The following LDB2 variants were observed in gnomAD, a reference collection of about 807,000 sequenced individuals.
The protein encoded by LDB2 is LIM domain-binding protein 2.
In LDB2, 12 loss-of-function variants were observed where a neutral mutation model predicts 44.3. That is an observed-to-expected ratio of 0.27 (90% CI 0.17 to 0.44). LDB2 has a LOEUF of 0.44. LDB2 is among the 20% of genes least tolerant of loss of function. LDB2 has a pLI of 1.00. For synonymous variants in LDB2, 164 were observed against 174.8 expected, an observed-to-expected ratio of 0.94 and a Z score of 0.49; for missense variants, 344 against 473.5, an observed-to-expected ratio of 0.73 and a Z score of 2.54.
chr4:16,745,160 G>A (rs538092280), intron 2 of LDB2, among the ~76,000 whole-genome samples: 1 of 152,288 alleles, frequency 6.6e-6, no homozygotes, highest in South Asian at 2.1e-4. Flanking sequence ...GTTATGTAAG[G>A]CATTCTCTAA....
intron 1 of LDB2, chr4:16,826,305 T>C (rs1281533179): frequency 6.6e-6 from 1 of 152,184 alleles, no homozygotes; most frequent in African/African-American, 2.4e-5. Context: ...CTAGTCCCAA[T>C]AGTTCAGCAT....
At chr4:16,584,635 C>T (rs1716072886) in intron 5 of LDB2, among the ~76,000 whole-genome samples, 3 of 152,204 alleles carry the variant, frequency 2.0e-5, no homozygotes, top group African/African-American at 7.2e-5. Flanking sequence ...ACACTACTCC[C>T]TACTGCCCAA....
At position 16,655,896 on chromosome 4, in the gene LDB2, C is replaced by CTTTTTTTTTTTTTT. The variant is rs747097456; in HGVS notation, c.236-60035_236-60022dup. On this transcript the variant is annotated intron_variant, in intron 2 of 7. Coordinates refer to ENST00000304523, the MANE Select transcript of LDB2 (RefSeq NM_001290.5). ...AAACGTTGGTTGTTCTGCAAGAAAA[C>CTTTTTTTTTTTTTT]TTTTTTTTTTTTTTTTTTTTTGAGA... Among the ~76,000 whole-genome samples the CTTTTTTTTTTTTTT allele has an allele frequency of 1.9e-3, 175 of 93,308 alleles. 19 individuals carry two copies. Among genetic ancestry groups the CTTTTTTTTTTTTTT allele is most frequent in the African/African-American group, 3.4e-3 (78 of 22,784 alleles). 61.2% of individuals were successfully genotyped at this position (93,308 alleles called of 152,430 possible). A position where few individuals can be genotyped will look rare whatever the true frequency, so the allele number is the denominator to read the frequency against.
chr4:16,787,627 T>TG (rs1448384286), intron 1 of LDB2, among the ~76,000 whole-genome samples: 1 of 151,118 alleles, frequency 6.6e-6, no homozygotes. Context: ...AAAAAAAGAG[T>TG]GGGGGTGCAA....
intron 1 of LDB2, among the ~76,000 whole-genome samples, chr4:16,760,257 A>G (rs1040323461): frequency 6.6e-6 from 1 of 152,204 alleles, no homozygotes; most frequent in African/African-American, 2.4e-5. Context: ...TAGTCCCACT[A>G]CTGAGTCCTG....
chr4:16,784,039 C>T (rs1773873563), intron 1 of LDB2, among the ~76,000 whole-genome samples: 1 of 152,172 alleles, frequency 6.6e-6, no homozygotes, highest in East Asian at 1.9e-4. Flanking sequence ...TTGCATAGTG[C>T]ATTGACCCTG....
chr4:16,597,562 C>A (rs540050248), intron 2 of LDB2, among the ~76,000 whole-genome samples: 2 of 152,142 alleles, frequency 1.3e-5, no homozygotes, highest in African/African-American at 4.8e-5. Context: ...TAACTTAAAG[C>A]TAATTATCAC....
intron 5 of LDB2, among the ~76,000 whole-genome samples, chr4:16,572,089 G>A (rs1746749563): frequency 6.6e-6 from 1 of 152,154 alleles, no homozygotes; most frequent in Admixed American, 6.5e-5. Flanking sequence ...GAAGGGTGTT[G>A]ACTGAGTTCA....
chr4:16,559,059 AG>A (rs1200745777), intron 5 of LDB2, among the ~76,000 whole-genome samples: 1 of 152,234 alleles, frequency 6.6e-6, no homozygotes, highest in Non-Finnish European at 1.5e-5. Flanking sequence ...GAGCTCCTGA[AG>A]GAAGCACTAA....
intron 2 of LDB2, among the ~76,000 whole-genome samples, chr4:16,718,307 A>G (rs1040889173): frequency 3.9e-5 from 6 of 152,132 alleles, no homozygotes; most frequent in African/African-American, 1.4e-4. Flanking sequence ...TGTAACCTAC[A>G]TAACTTCACA....
At chr4:16,503,199 G>A in intron 7 of LDB2, 2 of 1,495,982 alleles carry the variant, frequency 1.3e-6, no homozygotes, top group African/African-American at 1.4e-5. Context: ...CCGACATTGG[G>A]GACTTTTGAG....
chr4:16,822,049 A>G (rs1309999305), intron 1 of LDB2, among the ~76,000 whole-genome samples: 1 of 152,056 alleles, frequency 6.6e-6, no homozygotes, highest in Non-Finnish European at 1.5e-5. Context: ...GCTACTTAGT[A>G]GCTTATCACC....
At chr4:16,739,655 T>TATATAC (rs1762702994) in intron 2 of LDB2, among the ~76,000 whole-genome samples, 1 of 85,862 alleles carries the variant, frequency 1.2e-5, no homozygotes, top group South Asian at 3.3e-4. Context: ...CATATGTGTG[T>TATATAC]ATATATGTAT....
chr4:16,837,672 A>C (rs1290097766), intron 1 of LDB2, among the ~76,000 whole-genome samples: 1 of 152,244 alleles, frequency 6.6e-6, no homozygotes, highest in Admixed American at 6.5e-5. Context: ...GCATAAGGCC[A>C]CGTTCAATCA....
intron 2 of LDB2, among the ~76,000 whole-genome samples, chr4:16,666,370 G>T (rs181660093): frequency 6.6e-6 from 1 of 152,176 alleles, no homozygotes; most frequent in Non-Finnish European, 1.5e-5. Flanking sequence ...AAAAGGCTAC[G>T]CTGAGAAGAA....
At position 16,588,607 on chromosome 4, in the gene LDB2, C is replaced by G. The variant is rs7689285; in HGVS notation, c.531+103G>C. On this transcript the variant is annotated intron_variant, in intron 4 of 7. Transcript: ENST00000304523. Reference sequence around the variant, plus strand: ...GAGTTAATTACCTAAAGCGTGACAACTACTGGAATTCTTTCACAGAGAGAG... The same window carrying G: ...GAGTTAATTACCTAAAGCGTGACAAGTACTGGAATTCTTTCACAGAGAGAG... The G allele has an allele frequency of 3.3e-3, 4,070 of 1,217,982 alleles. 109 individuals are homozygous for G. In the African/African-American group the frequency reaches 0.055, roughly 16 times the overall value. The allele number at this position is 1,217,982 out of a possible 1,614,324, so 75.4% of individuals were successfully genotyped here.
At chr4:16,854,946 A>G (rs1789049952) in intron 1 of LDB2, among the ~76,000 whole-genome samples, 1 of 152,006 alleles carries the variant, frequency 6.6e-6, no homozygotes, top group Non-Finnish European at 1.5e-5. Flanking sequence ...GATTTATCAA[A>G]GATCATTTAT....
chr4:16,745,948 C>T (rs1235363410), intron 2 of LDB2, among the ~76,000 whole-genome samples: 1 of 151,622 alleles, frequency 6.6e-6, no homozygotes, highest in African/African-American at 2.4e-5. Flanking sequence ...ACAGTATGGG[C>T]CTATATGGCA....
At chr4:16,640,255 T>C (rs1375785090) in intron 2 of LDB2, among the ~76,000 whole-genome samples, 1 of 152,200 alleles carries the variant, frequency 6.6e-6, no homozygotes, top group Non-Finnish European at 1.5e-5. Flanking sequence ...TATTTGAAGA[T>C]TGAACAAACA....
Sources: gnomAD v4.1 joint callset for allele counts (sites outside exome capture counted in the v4.1 genomes callset) on GRCh38, gnomAD v4.1.1 for gene constraint, MANE v1.5 for transcripts, NCBI Gene and HGNC (gene_info 2026-07-23, HGNC 2026-07-21) for gene names.